Variants in PACC1 observed in about 807,000 individuals in gnomAD.
PACC1 encodes the protein proton activated chloride channel 1.
In PACC1, 34 loss-of-function variants were observed where a neutral mutation model predicts 39.7. The observed-to-expected ratio is 0.86, with a 90% CI of 0.65 to 1.14. The LOEUF (loss-of-function observed/expected upper bound fraction) is 1.14, where lower values mean the gene tolerates loss of function less well. PACC1 is among the 50% of genes most tolerant of loss of function. The probability of loss-of-function intolerance (pLI) is 0.00; values close to 1 mark genes in which losing one functional copy is unlikely to be tolerated. For synonymous variants in PACC1, 127 were observed against 160.6 expected, an observed-to-expected ratio of 0.79 and a Z score of 1.58; for missense variants, 379 against 436.4, an observed-to-expected ratio of 0.87 and a Z score of 1.17.
At chr1:212,413,867 A>T (rs1291008688) in intron 1 of PACC1, 1 of 1,520,748 alleles carries the variant, frequency 6.6e-7, no homozygotes, top group Non-Finnish European at 8.8e-7. Flanking sequence ...GTTACAGCAA[A>T]CACAGGGACA....
rs755404399 is a variant in PACC1 at position 212,410,477 on chromosome 1, T to G, written c.81A>C (p.Ala27=). The G allele has an allele frequency of 7.4e-6, 12 of 1,614,124 alleles. No individual in the cohort carries two copies. In the Admixed American group the frequency reaches 1.0e-4, roughly 13 times the overall value. ...TGACCGTCTCCTTGTCCTGCTCGTC[T>G]GCCAGCTCTGAGTTCTCAACCACCT... is the stretch of plus-strand genomic sequence containing the variant. ...LVQVVENSEL[A]DEQDKETVRV... Residue 27 remains alanine, a synonymous_variant, in exon 2 of 8, where the codon GCA becomes GCC. Coordinates refer to ENST00000261455, the MANE Select transcript of PACC1 (RefSeq NM_018252.3).
At chr1:212,374,776 C>T (rs1660586101) in intron 7 of PACC1, among the ~76,000 whole-genome samples, 1 of 152,220 alleles carries the variant, frequency 6.6e-6, no homozygotes, top group South Asian at 2.1e-4. Context: ...CTACAGGGAA[C>T]CATTAAGAAA....
chr1:212,411,023 AG>A (rs1228875460), intron 1 of PACC1, among the ~76,000 whole-genome samples: 1 of 152,208 alleles, frequency 6.6e-6, no homozygotes, highest in Non-Finnish European at 1.5e-5. Flanking sequence ...ATGTTGGATT[AG>A]GGGCCCACCC....
intron 4 of PACC1, among the ~76,000 whole-genome samples, chr1:212,382,044 GT>G (rs58216111): frequency 0.56 from 82,778 of 146,924 alleles, 23,309 homozygotes; most frequent in African/African-American, 0.65. Context: ...GAGTGTTCTT[GT>G]TTTTTTTTTT....
intron 2 of PACC1, 92 bp from the exon 3 acceptor site, chr1:212,387,192 C>A: frequency 7.5e-7 from 1 of 1,338,724 alleles, no homozygotes; most frequent in Non-Finnish European, 1.0e-6. Context: ...CCTGCCTCAC[C>A]AAGGAGGTGA....
chr1:212,368,419 A>T (rs1377581679), intron 7 of PACC1, among the ~76,000 whole-genome samples: 2 of 152,164 alleles, frequency 1.3e-5, no homozygotes, highest in African/African-American at 4.8e-5. Flanking sequence ...GGAGAGAGAG[A>T]TGTGTGACCA....
At chr1:212,388,924 A>T (rs1417062369) in intron 2 of PACC1, among the ~76,000 whole-genome samples, 1 of 152,162 alleles carries the variant, frequency 6.6e-6, no homozygotes, top group Admixed American at 6.6e-5. Flanking sequence ...TCTGAACGTA[A>T]GCCCCAAAAG....
chr1:212,393,911 C>T lies in PACC1; in HGVS notation c.134-6811G>A, dbSNP rs538802308. ...GGAAGAAGTTGAATCTCTGAATAGA[C>T]CAATAACAGGCTCTGAAATTGAGGC... On this transcript the variant is annotated intron_variant, in intron 2 of 7. Coordinates refer to ENST00000261455, the MANE Select transcript of PACC1 (RefSeq NM_018252.3). Among the ~76,000 whole-genome samples, 533 of 152,054 alleles carry T rather than the reference C, an allele frequency of 3.5e-3. 3 individuals carry two copies. The highest frequency in any genetic ancestry group is 0.012 in the African/African-American group (511 of 41,480).
rs1456359826 is a variant in PACC1 at position 212,414,794 on chromosome 1, C to A, written c.-37G>T. On this transcript the variant is annotated 5_prime_UTR_variant, in exon 1 of 8. Coordinates refer to ENST00000261455, the MANE Select transcript of PACC1 (RefSeq NM_018252.3). Reference sequence around the variant, plus strand: ...GAGCTTCGGCACACCTGAGACCGCCCCAGCCCGCGGCGCACGGACGCAGCA... The same window carrying A: ...GAGCTTCGGCACACCTGAGACCGCCACAGCCCGCGGCGCACGGACGCAGCA... 10 of 1,609,102 alleles carry A rather than the reference C, an allele frequency of 6.2e-6. No homozygotes were observed. The highest frequency in any genetic ancestry group is 4.4e-5 in the South Asian group (4 of 90,990).
At chr1:212,409,424 A>G (rs1453352153) in intron 2 of PACC1, among the ~76,000 whole-genome samples, 1 of 152,210 alleles carries the variant, frequency 6.6e-6, no homozygotes, top group Admixed American at 6.5e-5. Context: ...AATTCCAGGC[A>G]GAGAAATAAA....
rs12073615 is a variant in PACC1 at position 212,365,114 on chromosome 1, T to G, written c.*101A>C. The stretch of plus-strand genomic sequence containing the variant: ...CTGTTCCTCCCAGCAAGGCCCCATT[T>G]CTTCAAGTGAGTACAGGATTGTTGA... On this transcript the variant is annotated 3_prime_UTR_variant, in exon 8 of 8. Coordinates refer to ENST00000261455, the MANE Select transcript of PACC1 (RefSeq NM_018252.3). 0.034 allele frequency: 42,023 copies of G among 1,245,532 alleles called. 889 individuals are homozygous for G. Among genetic ancestry groups the G allele is most frequent in the East Asian group, 0.079 (3,147 of 39,846 alleles). 77.2% of individuals were successfully genotyped at this position (1,245,532 alleles called of 1,614,324 possible). A position where few individuals can be genotyped will look rare whatever the true frequency, so the allele number is the denominator to read the frequency against.
chr1:212,414,363 G>A (rs1027299806), intron 1 of PACC1, among the ~76,000 whole-genome samples: 2 of 152,206 alleles, frequency 1.3e-5, no homozygotes, highest in African/African-American at 4.8e-5. Flanking sequence ...AAAGAACGCC[G>A]GGTTCCTCTG....
At chr1:212,390,209 G>A (rs1661259617) in intron 2 of PACC1, among the ~76,000 whole-genome samples, 1 of 152,010 alleles carries the variant, frequency 6.6e-6, no homozygotes, top group African/African-American at 2.4e-5. Flanking sequence ...CGGATCACAA[G>A]GTCAAGAGAT....
At chr1:212,379,149 T>C (rs1459970966) in intron 5 of PACC1, among the ~76,000 whole-genome samples, 1 of 152,114 alleles carries the variant, frequency 6.6e-6, no homozygotes, top group African/African-American at 2.4e-5. Context: ...TTCACCATGT[T>C]AGCCAGGATG....
intron 6 of PACC1, among the ~76,000 whole-genome samples, chr1:212,376,443 CT>C (rs1660669010): frequency 6.6e-6 from 1 of 152,150 alleles, no homozygotes; most frequent in Non-Finnish European, 1.5e-5. Flanking sequence ...AGTTTTCACC[CT>C]TTGGTTTCGG....
intron 6 of PACC1, 74 bp downstream of exon 6, chr1:212,377,488 C>A: frequency 6.3e-7 from 1 of 1,589,990 alleles, no homozygotes; most frequent in Non-Finnish European, 8.6e-7. Context: ...GCCTTCTCTG[C>A]AAAGCTTCCC....
chr1:212,373,004 A>T (rs1660514101), intron 7 of PACC1, among the ~76,000 whole-genome samples: 2 of 152,170 alleles, frequency 1.3e-5, no homozygotes, highest in East Asian at 1.9e-4. Flanking sequence ...TAGAAAAAAA[A>T]TCCTAAATTT....
intron 1 of PACC1, 97 bp downstream of exon 1, chr1:212,414,625 C>T (rs1662263377): frequency 2.7e-6 from 4 of 1,472,848 alleles, no homozygotes; most frequent in Non-Finnish European, 2.8e-6. Context: ...AGCCCTCTGC[C>T]GCGCAGCCCC....
intron 4 of PACC1, among the ~76,000 whole-genome samples, chr1:212,382,775 C>G (rs1660953216): frequency 2.0e-5 from 3 of 152,212 alleles, no homozygotes; most frequent in Admixed American, 1.3e-4. Flanking sequence ...GTGCAGCCAC[C>G]AGGGAGGGCG....
Sources: gnomAD v4.1 joint callset for allele counts (sites outside exome capture counted in the v4.1 genomes callset) on GRCh38, gnomAD v4.1.1 for gene constraint, MANE v1.5 for transcripts, NCBI Gene and HGNC (gene_info 2026-07-23, HGNC 2026-07-21) for gene names.